The following PXDNL variants were observed in gnomAD, a reference collection of about 807,000 sequenced individuals.
PXDNL encodes probable oxidoreductase PXDNL.
Under a neutral mutation model 150.8 loss-of-function variants are expected in PXDNL, and 145 were observed. The ratio of observed to expected loss-of-function variants is 0.96; its 90% confidence interval spans 0.84 to 1.10. The LOEUF (loss-of-function observed/expected upper bound fraction) is 1.10. Among genes scored for constraint, PXDNL ranks in the 50% least tolerant of loss-of-function variants. The pLI is 0.00. For missense variants in PXDNL, 2,087 were observed against 1,873.9 expected (o/e 1.11, Z -2.10); for synonymous variants, 757 against 725.7 (o/e 1.04, Z -0.69).
intron 1 of PXDNL, among the ~76,000 whole-genome samples, chr8:51,657,658 T>C (rs1265437088): frequency 1.3e-5 from 2 of 152,208 alleles, no homozygotes; most frequent in Non-Finnish European, 2.9e-5. Flanking sequence ...ATTGCTAGAT[T>C]ATAGGGTAGG....
intron 3 of PXDNL, among the ~76,000 whole-genome samples, chr8:51,569,081 T>G (rs1425311767): frequency 1.3e-5 from 2 of 151,950 alleles, no homozygotes; most frequent in African/African-American, 4.8e-5. Context: ...CCAAAATCTC[T>G]GCCGAATCTG....
chr8:51,517,329 T>G (rs886750827), intron 4 of PXDNL, among the ~76,000 whole-genome samples: 1 of 152,198 alleles, frequency 6.6e-6, no homozygotes, highest in Non-Finnish European at 1.5e-5. Context: ...CATATCATAA[T>G]CAAAATATAC....
At chr8:51,499,637 T>G in intron 5 of PXDNL, 62 bp downstream of exon 5, 2 of 1,275,768 alleles carry the variant, frequency 1.6e-6, no homozygotes, top group Non-Finnish European at 2.3e-6. Flanking sequence ...GGCAGTCAGA[T>G]GGGTTGTATA....
chr8:51,795,807 G>A (rs1214827682), intron 1 of PXDNL, among the ~76,000 whole-genome samples: 1 of 152,122 alleles, frequency 6.6e-6, no homozygotes, highest in Non-Finnish European at 1.5e-5. Context: ...TTGCAACCGT[G>A]GCCCCGACTT....
chr8:51,735,526 G>GTT (rs777986365), intron 1 of PXDNL, among the ~76,000 whole-genome samples: 4 of 41,060 alleles, frequency 9.7e-5, no homozygotes, highest in African/African-American at 2.1e-4. Context: ...ATTAAAAATT[G>GTT]TTTTTTTTTT....
chr8:51,492,447 G>A lies in PXDNL; in HGVS notation c.452+7252C>T, dbSNP rs543634395. On this transcript the variant is annotated intron_variant, in intron 5 of 22. Coordinates refer to ENST00000356297, the MANE Select transcript of PXDNL (RefSeq NM_144651.5). ...TCAGAAAGTGGGTGCAGGACAGTGG[G>A]TGCAGCACACTGAGCATGAGCCAAA... Among the ~76,000 whole-genome samples, 65 of 152,248 alleles carry A rather than the reference G, an allele frequency of 4.3e-4. 1 individual carries two copies. Among genetic ancestry groups the A allele is most frequent in the African/African-American group, 1.5e-3 (64 of 41,546 alleles).
At chr8:51,773,713 ATTAAGT>A (rs2037323741) in intron 1 of PXDNL, among the ~76,000 whole-genome samples, 1 of 152,374 alleles carries the variant, frequency 6.6e-6, no homozygotes, top group African/African-American at 2.4e-5. Context: ...ATTCACATTT[ATTAAGT>A]TTAACATTCT....
intron 1 of PXDNL, among the ~76,000 whole-genome samples, chr8:51,676,153 ATGT>A (rs1815617436): frequency 6.6e-6 from 1 of 152,058 alleles, no homozygotes; most frequent in Non-Finnish European, 1.5e-5. Context: ...TCTATTACTG[ATGT>A]TGTTATCTTT....
chr8:51,322,661 T>C (rs1805360897), intron 21 of PXDNL, among the ~76,000 whole-genome samples: 2 of 151,992 alleles, frequency 1.3e-5, no homozygotes, highest in East Asian at 1.9e-4. Flanking sequence ...GTAGAGGAGA[T>C]TGGCTAGATG....
intron 20 of PXDNL, among the ~76,000 whole-genome samples, chr8:51,342,514 GA>G (rs200768907): frequency 6.6e-5 from 9 of 137,366 alleles, no homozygotes; most frequent in African/African-American, 2.2e-4. Flanking sequence ...ATTTCTGATT[GA>G]AAAAAAATTA....
intron 4 of PXDNL, among the ~76,000 whole-genome samples, chr8:51,511,008 G>C (rs1397406673): frequency 6.6e-6 from 1 of 152,154 alleles, no homozygotes; most frequent in Non-Finnish European, 1.5e-5. Context: ...GGATGCTATC[G>C]TGGTCTAGGA....
intron 2 of PXDNL, among the ~76,000 whole-genome samples, chr8:51,642,775 C>T (rs201689611): frequency 2.0e-5 from 3 of 152,244 alleles, no homozygotes; most frequent in South Asian, 2.1e-4. Context: ...GATGACATGA[C>T]TGTATATTTA....
intron 12 of PXDNL, among the ~76,000 whole-genome samples, chr8:51,440,058 T>C (rs1809504772): frequency 1.3e-5 from 2 of 151,622 alleles, no homozygotes; most frequent in Admixed American, 6.6e-5. Context: ...TATATGTATA[T>C]ATACACACAC....
intron 1 of PXDNL, among the ~76,000 whole-genome samples, chr8:51,781,502 G>A (rs902419402): frequency 6.6e-5 from 10 of 152,306 alleles, no homozygotes; most frequent in South Asian, 6.2e-4. Flanking sequence ...CAGTTTTCCC[G>A]TGGCTCTTCG....
rs551021588 is a variant in PXDNL at position 51,540,175 on chromosome 8, G to A, written c.380+16665C>T. ...AGCCTCCCAAAGTGCTGGGGTTACT[G>A]GTGTGAGCCACTGAGTCTGGACCAG... is the stretch of plus-strand genomic sequence containing the variant. On this transcript the variant is annotated intron_variant, in intron 4 of 22. Transcript: ENST00000356297. Among the ~76,000 whole-genome samples, 3 of 152,224 alleles carry A rather than the reference G, an allele frequency of 2.0e-5. No homozygotes were observed. The South Asian group carries it at 6.2e-4, about 32-fold the overall frequency.
rs1366091278 is a variant in PXDNL, at chr8:51,772,768, C to A, written c.164+36413G>T. ...GGGTCTGTCCTGCAAAGGTCAGGGGCAGAGTTAATGAAGTTAGAGTCACCA... is the reference window on the plus strand; with the variant it reads ...GGGTCTGTCCTGCAAAGGTCAGGGGAAGAGTTAATGAAGTTAGAGTCACCA... On this transcript the variant is annotated intron_variant, in intron 1 of 22. Coordinates refer to ENST00000356297, the MANE Select transcript of PXDNL (RefSeq NM_144651.5). Among the ~76,000 whole-genome samples the A allele has an allele frequency of 4.6e-5, 7 of 152,256 alleles. No homozygotes were observed. The East Asian group carries it at 1.4e-3, about 29-fold the overall frequency.
At chr8:51,779,550 C>T (rs1397782376) in intron 1 of PXDNL, among the ~76,000 whole-genome samples, 1 of 152,184 alleles carries the variant, frequency 6.6e-6, no homozygotes, top group African/African-American at 2.4e-5. Context: ...CTGGAGAAAG[C>T]CTGTGCCCAG....
At chr8:51,637,165 G>A (rs1334549723) in intron 2 of PXDNL, among the ~76,000 whole-genome samples, 1 of 152,006 alleles carries the variant, frequency 6.6e-6, no homozygotes, top group Non-Finnish European at 1.5e-5. Flanking sequence ...CAAACAGAAA[G>A]GACATCCACA....
intron 1 of PXDNL, among the ~76,000 whole-genome samples, chr8:51,723,468 A>G (rs531344926): frequency 1.3e-5 from 2 of 152,354 alleles, no homozygotes; most frequent in South Asian, 2.1e-4. Flanking sequence ...TGCACGGGCG[A>G]TATCAGCCTC....
Sources: gnomAD v4.1 joint callset for allele counts (sites outside exome capture counted in the v4.1 genomes callset) on GRCh38, gnomAD v4.1.1 for gene constraint, MANE v1.5 for transcripts, NCBI Gene and HGNC (gene_info 2026-07-23, HGNC 2026-07-21) for gene names.